Variants in KRT33B observed in about 807,000 individuals in gnomAD.
KRT33B encodes keratin, type I cuticular Ha3-II.
In KRT33B, 37 loss-of-function variants were observed where a neutral mutation model predicts 42.7. That is an observed-to-expected ratio of 0.87 (90% CI 0.67 to 1.14). KRT33B has a LOEUF of 1.14. Among genes scored for constraint, KRT33B ranks in the 50% most tolerant of loss-of-function variants. The pLI, the probability that KRT33B is intolerant of heterozygous loss-of-function variation, is 0.00. For synonymous variants in KRT33B, 237 were observed against 221.2 expected, an observed-to-expected ratio of 1.07 and a Z score of -0.63; for missense variants, 523 against 515.1, an observed-to-expected ratio of 1.02 and a Z score of -0.15.
chr17:41,367,048 G>C (rs908508564), intron 2 of KRT33B, among the ~76,000 whole-genome samples: 1 of 151,364 alleles, frequency 6.6e-6, no homozygotes, highest in Non-Finnish European at 1.5e-5. Flanking sequence ...CTCATTAAAT[G>C]ACTGTAGATA....
Position 41,365,013 on chromosome 17 carries a change from G to T in KRT33B, c.877-14C>A. On this transcript the variant is annotated splice_polypyrimidine_tract_variant and intron_variant, in intron 5 of 6. Coordinates refer to ENST00000251646, the MANE Select transcript of KRT33B (RefSeq NM_002279.5). ...CAGAGAGTATCGCTGTGGTGGGAAA[G>T]ATCAGGAATGTCAGAGAGCTGCTCC... The T allele has an allele frequency of 6.2e-7, 1 of 1,613,150 alleles. No individual in the cohort carries two copies. The highest frequency in any genetic ancestry group is 1.7e-5 in the Admixed American group (1 of 59,996).
chr17:41,364,088 C>T, intron 6 of KRT33B, 135 bp from the exon 7 acceptor site: 1 of 612,194 alleles, frequency 1.6e-6, no homozygotes, highest in Non-Finnish European at 2.9e-6. Context: ...TTGGATCACT[C>T]CTTCTACAGA....
In KRT33B at chr17:41,367,925, T is replaced by A; in HGVS notation, c.414A>T (p.Ala138=). Reference sequence around the variant, plus strand: ...AATCTTACTTGGTTCTGAAGTCATCTGCAGCCAGCTTGGCATTGTCGATCT... The same window carrying A: ...AATCTTACTTGGTTCTGAAGTCATCAGCAGCCAGCTTGGCATTGTCGATCT... ...VVQIDNAKLA[A]DDFRTKYQTE... The change falls in exon 2 of 7, where the codon GCA becomes GCT. Residue 138 remains alanine (A), a synonymous_variant. Coordinates refer to ENST00000251646, the MANE Select transcript of KRT33B (RefSeq NM_002279.5). 6.2e-7 allele frequency: 1 copy of A among 1,613,064 alleles called. No homozygotes were observed. The highest frequency in any genetic ancestry group is 2.2e-5 in the East Asian group (1 of 44,884).
chr17:41,365,375 C>A lies in KRT33B; in HGVS notation c.750+17G>T, dbSNP rs532425696. On this transcript the variant is annotated intron_variant, in intron 4 of 6. Transcript: ENST00000251646. The stretch of plus-strand genomic sequence containing the variant: ...GGGGGCCTCGGGTCCTGAGTGGCCA[C>A]GTGCTTAGATGCCCACCTGCGTGGC... 3 of 1,609,300 alleles carry A rather than the reference C, an allele frequency of 1.9e-6. No individual in the cohort carries two copies. Among genetic ancestry groups the A allele is most frequent in the South Asian group, 1.1e-5 (1 of 90,924 alleles).
At chr17:41,364,745 T>A (rs761833308) in intron 6 of KRT33B, 34 bp downstream of exon 6, 1 of 1,611,444 alleles carries the variant, frequency 6.2e-7, no homozygotes, top group Non-Finnish European at 8.5e-7. Context: ...ACAGTGCCTG[T>A]CCCTTGCAGG....
intron 6 of KRT33B, among the ~76,000 whole-genome samples, chr17:41,364,217 C>T (rs933744082): frequency 6.6e-6 from 1 of 151,296 alleles, no homozygotes; most frequent in South Asian, 2.1e-4. Flanking sequence ...GCTTTCCCAC[C>T]TGTAAGGTAG....
rs778198825 is a variant in KRT33B, at chr17:41,369,444, A to G, written c.307T>C (p.Tyr103His). ...TCAATGGTCTTGAAGTAGGACTGGT[A>G]GCTGGGGCACAGCAAGGGCTCCTGC... ...QQQEPLLCPSYQSYFKTIEEL... is the reference protein window; with the variant it reads ...QQQEPLLCPSHQSYFKTIEEL... Residue 103 changes from tyrosine to histidine, a missense_variant, in exon 1 of 7, where the codon TAC (tyrosine) becomes CAC (histidine). Tyr to His is a moderately conservative substitution (Grantham distance 83, BLOSUM62 2). Coordinates refer to ENST00000251646, the MANE Select transcript of KRT33B (RefSeq NM_002279.5). 1.2e-6 allele frequency: 2 copies of G among 1,613,400 alleles called. No individual in the cohort carries two copies. Among genetic ancestry groups the G allele is most frequent in the South Asian group, 2.2e-5 (2 of 91,088 alleles).
rs370317934 is a variant in KRT33B, at chr17:41,365,538, G to C, written c.604C>G (p.Arg202Gly). The C allele has an allele frequency of 6.2e-7, 1 of 1,611,206 alleles. No individual in the cohort carries two copies. ...QNHEQEVNTLRCQLGDRLNVE... is the reference protein window; with the variant it reads ...QNHEQEVNTLGCQLGDRLNVE... Reference sequence around the variant, plus strand: ...TTGAGGCGGTCTCCAAGCTGGCAGCGCAAGGTGTTGACTTCCTAATGGAGA... The same window carrying C: ...TTGAGGCGGTCTCCAAGCTGGCAGCCCAAGGTGTTGACTTCCTAATGGAGA... The change falls in exon 4 of 7, where the codon CGC becomes GGC. Residue 202 changes from arginine to glycine, a missense_variant. Physicochemically the swap from Arg to Gly is moderately radical, Grantham distance 125 (BLOSUM62 -2). Transcript: ENST00000251646.
At chr17:41,367,356 A>G (rs2017713828) in intron 2 of KRT33B, among the ~76,000 whole-genome samples, 1 of 151,282 alleles carries the variant, frequency 6.6e-6, no homozygotes, top group Non-Finnish European at 1.5e-5. Flanking sequence ...TTTCAAACTT[A>G]CTCCAGACGT....
At chr17:41,367,718 A>T (rs182189236) in intron 2 of KRT33B, among the ~76,000 whole-genome samples, 190 bp downstream of exon 2, 2,172 of 145,290 alleles carry the variant, frequency 0.015, 150 homozygotes, top group African/African-American at 0.05. Flanking sequence ...TAAAAAAATT[A>T]AAAAAAAAAA....
At chr17:41,364,757 G>T in intron 6 of KRT33B, 22 bp downstream of exon 6, 1 of 1,612,014 alleles carries the variant, frequency 6.2e-7, no homozygotes. Flanking sequence ...CCTTGCAGGG[G>T]TGCCGTCCGC....
intron 6 of KRT33B, 120 bp downstream of exon 6, chr17:41,364,659 A>G: frequency 1.5e-6 from 2 of 1,294,072 alleles, no homozygotes; most frequent in South Asian, 1.4e-5. Context: ...CGGCTGTAAT[A>G]TAAAACTCTC....
intron 2 of KRT33B, 80 bp downstream of exon 2, chr17:41,367,828 C>T: frequency 7.8e-7 from 1 of 1,280,740 alleles, no homozygotes; most frequent in Non-Finnish European, 1.1e-6. Flanking sequence ...TCTGCTTCCA[C>T]ATTCCAGGAT....
At chr17:41,366,774 G>A (rs2144299217) in intron 2 of KRT33B, 148 bp from the exon 3 acceptor site, 1 of 751,752 alleles carries the variant, frequency 1.3e-6, no homozygotes, top group East Asian at 2.9e-5. Context: ...TGTACTGAGT[G>A]AGAAGGCCTA....
chr17:41,366,338 C>A lies in KRT33B; in HGVS notation c.588+132G>T, dbSNP rs114714634. 1.3e-3 allele frequency: 1,365 copies of A among 1,059,116 alleles called. 85 individuals are homozygous for A. In the African/African-American group the frequency reaches 0.021, roughly 16 times the overall value. 65.6% of individuals were successfully genotyped at this position (1,059,116 alleles called of 1,614,324 possible). On this transcript the variant is annotated intron_variant, in intron 3 of 6. Transcript: ENST00000251646. The stretch of plus-strand genomic sequence containing the variant: ...GCTGTCACTCATTCCCCAACAAGCC[C>A]CAAAGTATGTTTTGAGCAACCAGCA...
At position 41,363,829 on chromosome 17, in the gene KRT33B, A is replaced by G; in HGVS notation, c.*7T>C. ...TTCATGCTATACTTCTGCTGGCCCC[A>G]GGGTATCTAGTACCCAAAGGTGTTG... On this transcript the variant is annotated 3_prime_UTR_variant, in exon 7 of 7. Transcript: ENST00000251646. 6.4e-7 allele frequency: 1 copy of G among 1,565,130 alleles called. No individual in the cohort carries two copies. Among genetic ancestry groups the G allele is most frequent in the Non-Finnish European group, 8.8e-7 (1 of 1,141,486 alleles).
At chr17:41,369,305 A>C (rs2017744041) in intron 1 of KRT33B, 98 bp downstream of exon 1, 1 of 1,460,166 alleles carries the variant, frequency 6.8e-7, no homozygotes, top group Admixed American at 2.1e-5. Context: ...TATCATTCTC[A>C]GCATTACTGT....
In KRT33B at chr17:41,364,807, G is replaced by T. The variant is rs769794586; in HGVS notation, c.1069C>A (p.Arg357=). Residue 357 remains arginine (R), a synonymous_variant, in exon 6 of 7, where the codon CGG becomes AGG. Transcript: ENST00000251646. ...ARLECEINTY[R]SLLESEDCKL... The stretch of plus-strand genomic sequence containing the variant: ...CAGTCCTCGCTCTCCAGCAGGCTCC[G>T]GTATGTGTTGATCTCACACTCCAGC... 14 of 1,612,666 alleles carry T rather than the reference G, an allele frequency of 8.7e-6. No homozygotes were observed. Among genetic ancestry groups the T allele is most frequent in the Non-Finnish European group, 1.1e-5 (13 of 1,179,966 alleles).
chr17:41,369,643 G>T lies in KRT33B; in HGVS notation c.108C>A (p.Asn36Lys). The change falls in exon 1 of 7, where the codon AAC becomes AAA. Residue 36 changes from asparagine to lysine, a missense_variant. Physicochemically the swap from Asn to Lys is moderately conservative, Grantham distance 94 (BLOSUM62 0). Transcript: ENST00000251646. ...CHGYTLPGAC[N>K]IPANVSNCNW... ...TGCAGTTGCTCACATTGGCAGGGATGTTGCAGGCCCCGGGCAGGGTGTAGC... is the reference window on the plus strand; with the variant it reads ...TGCAGTTGCTCACATTGGCAGGGATTTTGCAGGCCCCGGGCAGGGTGTAGC... 3 of 1,613,798 alleles carry T rather than the reference G, an allele frequency of 1.9e-6. No individual in the cohort carries two copies. Among genetic ancestry groups the T allele is most frequent in the Non-Finnish European group, 2.5e-6 (3 of 1,180,034 alleles).
Sources: gnomAD v4.1 joint callset for allele counts (sites outside exome capture counted in the v4.1 genomes callset) on GRCh38, gnomAD v4.1.1 for gene constraint, MANE v1.5 for transcripts, NCBI Gene and HGNC (gene_info 2026-07-23, HGNC 2026-07-21) for gene names.